The following CRY2 variants were observed in gnomAD, a reference collection of about 807,000 sequenced individuals.
The protein encoded by CRY2 is cryptochrome circadian regulator 2.
A neutral mutation model predicts 69.5 loss-of-function variants in CRY2; 31 were observed. The ratio of observed to expected loss-of-function variants is 0.45; its 90% CI spans 0.34 to 0.60. The LOEUF is 0.60. Among genes scored for constraint, CRY2 ranks in the 20% least tolerant of loss-of-function variants. The pLI, the probability that CRY2 is intolerant of heterozygous loss-of-function variation, is 0.02. For synonymous variants in CRY2, 303 were observed against 312.2 expected (o/e 0.97, Z 0.31); for missense variants, 606 against 797.8 (o/e 0.76, Z 2.90).
intron 5 of CRY2, among the ~76,000 whole-genome samples, chr11:45,864,035 G>T (rs962826439): frequency 6.6e-6 from 1 of 152,212 alleles, no homozygotes; most frequent in Non-Finnish European, 1.5e-5. Context: ...GATGCATTAT[G>T]TATTGGTGAC....
Position 45,858,861 on chromosome 11 carries a change from A to T in CRY2, c.455A>T (p.Tyr152Phe). The change falls in exon 3 of 12, where the codon TAT becomes TTT. Residue 152 changes from tyrosine (Y) to phenylalanine (F), a missense_variant. This residue lies in a region of CRY2 where 382 missense variants were observed against 508.9 expected (regional missense o/e 0.75). Transcript: ENST00000616080. ...GTGACGGAGAATTCTCATACCCTCT[A>T]TGACCTGGACAGGTAAGAGATGGGG... ...EVVTENSHTL[Y>F]DLDRIIELNG... The T allele has an allele frequency of 6.2e-7, 1 of 1,613,880 alleles. No individual in the cohort carries two copies. Among genetic ancestry groups the T allele is most frequent in the Non-Finnish European group, 8.5e-7 (1 of 1,179,882 alleles).
At position 45,858,940 on chromosome 11, in the gene CRY2, C is replaced by T. The variant is rs185525659; in HGVS notation, c.467+67C>T. 5.7e-5 allele frequency: 89 copies of T among 1,569,092 alleles called. No homozygotes were observed. In the South Asian group the frequency reaches 7.6e-4, roughly 13 times the overall value. ...GTTAGTAATTTGGGCCCCTGCTGAGCGGAACTCAGAGAGGTTCAGCATTAG... is the reference window on the plus strand; with the variant it reads ...GTTAGTAATTTGGGCCCCTGCTGAGTGGAACTCAGAGAGGTTCAGCATTAG... On this transcript the variant is annotated intron_variant, in intron 3 of 11. Transcript: ENST00000616080.
chr11:45,856,049 G>A lies in CRY2; in HGVS notation c.283G>A (p.Val95Ile). The change falls in exon 2 of 12, where the codon GTC (valine) becomes ATC (isoleucine). Residue 95 changes from valine (V) to isoleucine (I), a missense_variant. Physicochemically the swap from Val to Ile is conservative, Grantham distance 29. Coordinates refer to ENST00000616080, the MANE Select transcript of CRY2 (RefSeq NM_021117.5). ...GAAACTGAACTCCCGCCTGTTTGTA[G>A]TCCGGGGACAGCCAGCCGACGTGTT... ...LRKLNSRLFVVRGQPADVFPR... is the reference protein window; with the variant it reads ...LRKLNSRLFVIRGQPADVFPR... The A allele has an allele frequency of 6.2e-7, 1 of 1,614,202 alleles. No homozygotes were observed. The highest frequency in any genetic ancestry group is 8.5e-7 in the Non-Finnish European group (1 of 1,180,034).
chr11:45,851,960 C>G (rs1034700309), intron 1 of CRY2, among the ~76,000 whole-genome samples: 1 of 152,202 alleles, frequency 6.6e-6, no homozygotes, highest in Admixed American at 6.5e-5. Flanking sequence ...TTCCTCAACA[C>G]AGGATCAGCC....
intron 1 of CRY2, among the ~76,000 whole-genome samples, chr11:45,855,512 C>A (rs1204657813): frequency 1.3e-5 from 2 of 152,178 alleles, no homozygotes; most frequent in African/African-American, 2.4e-5. Context: ...ACAACAACCT[C>A]ATGCTGGGCA....
At chr11:45,847,167 T>C, upstream of CRY2, 1 of 1,546,600 alleles carries the variant, frequency 6.5e-7, no homozygotes, top group Non-Finnish European at 8.7e-7. Context: ...AGAGATCCGC[T>C]GTCCCTTGAG....
At chr11:45,861,334 C>T (rs2086286635) in intron 4 of CRY2, 1 of 285,778 alleles carries the variant, frequency 3.5e-6, no homozygotes, top group African/African-American at 2.2e-5. Flanking sequence ...TGCTGGTGTC[C>T]ATGGGCTTCT....
In CRY2 at chr11:45,867,648, G is replaced by T; in HGVS notation, c.778G>T (p.Ala260Ser). Residue 260 changes from alanine (A) to serine (S), a missense_variant, in exon 6 of 12, where the codon GCC becomes TCC. Transcript: ENST00000616080. ...VANYERPRMN[A>S]NSLLASPTGL... Reference sequence around the variant, plus strand: ...CAACTATGAGAGACCCCGAATGAACGCCAACTCCCTCCTGGCCAGCCCCAC... The same window carrying T: ...CAACTATGAGAGACCCCGAATGAACTCCAACTCCCTCCTGGCCAGCCCCAC... 6.2e-7 allele frequency: 1 copy of T among 1,614,154 alleles called. No homozygotes were observed. Among genetic ancestry groups the T allele is most frequent in the African/African-American group, 1.3e-5 (1 of 74,998 alleles).
rs1052766850 is a variant in CRY2, at chr11:45,883,134, GT to G, written c.*2225del. On this transcript the variant is annotated 3_prime_UTR_variant, in exon 12 of 12. Transcript: ENST00000616080. ...CAAGGGCCAGCATGGGGAAGAGATGGTTGCAGGCAAAATGCACTTTATAGAG... is the reference window on the plus strand; with the variant it reads ...CAAGGGCCAGCATGGGGAAGAGATGGTGCAGGCAAAATGCACTTTATAGAG... 5.5e-6 allele frequency: 1 copy of G among 181,146 alleles called. No individual in the cohort carries two copies. 11.2% of individuals were successfully genotyped at this position (181,146 alleles called of 1,614,324 possible). A position where few individuals can be genotyped will look rare whatever the true frequency, so the allele number is the denominator to read the frequency against.
chr11:45,847,656 C>A lies in CRY2; in HGVS notation c.166C>A (p.Leu56Ile). 6.3e-7 allele frequency: 1 copy of A among 1,595,784 alleles called. No individual in the cohort carries two copies. Reference protein sequence around the residue: ...GARCVRCVYILDPWFAASSSV... With the variant: ...GARCVRCVYIIDPWFAASSSV... ...GCGCTGCGTGCGCTGCGTTTACATT[C>A]TCGACCCGTGGTTCGCGGCCTCCTC... Residue 56 changes from leucine (L) to isoleucine (I), a missense_variant, in exon 1 of 12, where the codon CTC becomes ATC. Coordinates refer to ENST00000616080, the MANE Select transcript of CRY2 (RefSeq NM_021117.5).
Position 45,869,568 on chromosome 11 carries a change from C to T in CRY2, c.945C>T (p.Phe315=). The T allele has an allele frequency of 1.2e-6, 2 of 1,614,236 alleles. 1 individual carries two copies. The highest frequency in any genetic ancestry group is 2.2e-5 in the South Asian group (2 of 91,090). Residue 315 remains phenylalanine (F), a synonymous_variant, in exon 7 of 12, where the codon TTC becomes TTT. Transcript: ENST00000616080. ...GGCAACTCCTATGGCGAGAGTTCTT[C>T]TACACGGCAGCTACCAACAACCCCA... The part of the protein sequence containing the change: ...LFGQLLWREF[F]YTAATNNPRF...
chr11:45,853,421 C>G lies in CRY2; in HGVS notation c.216-2561C>G, dbSNP rs970287116. ...AAGAAAAGGGCTCTCATAGGATTAG[C>G]TGTACTTTAGAGATGCTACGAGGAA... is the stretch of plus-strand genomic sequence containing the variant. On this transcript the variant is annotated intron_variant, in intron 1 of 11. Coordinates refer to ENST00000616080, the MANE Select transcript of CRY2 (RefSeq NM_021117.5). Among the ~76,000 whole-genome samples the G allele has an allele frequency of 2.0e-5, 3 of 152,162 alleles. No homozygotes were observed. In the East Asian group the frequency reaches 5.8e-4, roughly 29 times the overall value.
chr11:45,872,044 T>C (rs1274213809), intron 10 of CRY2, 48 bp from the exon 11 acceptor site: 25 of 1,604,568 alleles, frequency 1.6e-5, no homozygotes, highest in Non-Finnish European at 2.0e-5. Flanking sequence ...TGGGATCATT[T>C]TGGCTGCATG....
intron 11 of CRY2, among the ~76,000 whole-genome samples, chr11:45,879,779 A>G (rs1331552239): frequency 6.6e-6 from 1 of 152,248 alleles, no homozygotes; most frequent in Admixed American, 6.5e-5. Context: ...GGCTTAATCA[A>G]GAGAAATGTG....
At chr11:45,879,114 A>T (rs1175964475) in intron 11 of CRY2, among the ~76,000 whole-genome samples, 1 of 151,514 alleles carries the variant, frequency 6.6e-6, no homozygotes, top group Non-Finnish European at 1.5e-5. Flanking sequence ...CTGTAATCCC[A>T]GCTACTCAGG....
chr11:45,860,989 G>C lies in CRY2; in HGVS notation c.609G>C (p.Glu203Asp), dbSNP rs1439026058. 1.2e-6 allele frequency: 2 copies of C among 1,613,768 alleles called. No individual in the cohort carries two copies. Among genetic ancestry groups the C allele is most frequent in the Non-Finnish European group, 1.7e-6 (2 of 1,180,042 alleles). The change falls in exon 4 of 12, where the codon GAG becomes GAC. Residue 203 changes from glutamate to aspartate, a missense_variant. This residue lies in a region of CRY2 where 382 missense variants were observed against 508.9 expected (regional missense o/e 0.75). Coordinates refer to ENST00000616080, the MANE Select transcript of CRY2 (RefSeq NM_021117.5). ...QMESCRAEIQ[E>D]NHDETYGVPS... ...AGAGCTGCAGGGCCGAGATCCAGGA[G>C]AACCACGACGAGACCTACGGCGTGC...
chr11:45,854,367 G>A lies in CRY2; in HGVS notation c.216-1615G>A, dbSNP rs144593001. Among the ~76,000 whole-genome samples, 245 of 152,266 alleles carry A rather than the reference G, an allele frequency of 1.6e-3. 1 individual carries two copies. The highest frequency in any genetic ancestry group is 5.8e-3 in the African/African-American group (240 of 41,552). On this transcript the variant is annotated intron_variant, in intron 1 of 11. Transcript: ENST00000616080. ...GAATCTCAGCCCCTGGAACAGAGTT[G>A]GTGTGCAACTAGAAATCTTTAGAAA...
At chr11:45,852,519 A>C (rs1285987114) in intron 1 of CRY2, among the ~76,000 whole-genome samples, 1 of 152,292 alleles carries the variant, frequency 6.6e-6, no homozygotes, top group Middle Eastern at 3.4e-3. Flanking sequence ...CATTCTCTGC[A>C]TTCTCTGGCT....
chr11:45,869,060 C>T (rs990430671), intron 6 of CRY2, among the ~76,000 whole-genome samples: 3 of 152,214 alleles, frequency 2.0e-5, no homozygotes, highest in Non-Finnish European at 4.4e-5. Context: ...GGTCTGATTT[C>T]TTAATTACCT....
Sources: allele counts gnomAD v4.1 joint callset (sites outside exome capture counted in the v4.1 genomes callset), GRCh38; gene constraint gnomAD v4.1.1; regional missense constraint gnomAD v4.1.1; transcripts MANE v1.5; gene names NCBI Gene and HGNC (gene_info 2026-07-23, HGNC 2026-07-21).